ZNF740: variants seen among roughly 807,000 people sequenced by gnomAD.
ZNF740 encodes oriLyt TD-element-binding protein 7.
ZNF740 carries 14 observed loss-of-function variants against 24.8 expected under a neutral mutation model. That is an observed-to-expected ratio of 0.56 (90% CI 0.37 to 0.88). ZNF740 has a LOEUF of 0.88. ZNF740 is among the 40% of genes least tolerant of loss of function. The pLI is 0.00. For synonymous variants in ZNF740, 69 were observed against 84.0 expected, an observed-to-expected ratio of 0.82 and a Z score of 0.98; for missense variants, 201 against 247.9, an observed-to-expected ratio of 0.81 and a Z score of 1.27.
At position 53,193,193 on chromosome 12, in the gene ZNF740, A is replaced by G; in HGVS notation, c.*5603A>G. The G allele has an allele frequency of 6.2e-7, 1 of 1,614,118 alleles. No individual in the cohort carries two copies. The highest frequency in any genetic ancestry group is 8.5e-7 in the Non-Finnish European group (1 of 1,180,006). On this transcript the variant is annotated 3_prime_UTR_variant, in exon 7 of 7. Transcript: ENST00000416904. ...ACAGCTGGCATCGTCACACTCGCAC[A>G]GATGCCCAGAGCTCTGTCCACTGCA...
At chr12:53,184,150 T>TGTGTGTGTGTGCGCGCGCGC (rs59250662) in intron 2 of ZNF740, among the ~76,000 whole-genome samples, 29 of 104,424 alleles carry the variant, frequency 2.8e-4, no homozygotes, top group African/African-American at 1.1e-3. Context: ...TGTGTGTGTG[T>TGTGTGTGTGTGCGCGCGCGC]GCGCGCGCGC....
intron 2 of ZNF740, among the ~76,000 whole-genome samples, chr12:53,183,653 A>G (rs1299814104): frequency 6.6e-6 from 1 of 152,226 alleles, no homozygotes; most frequent in Non-Finnish European, 1.5e-5. Flanking sequence ...TGATCATACA[A>G]GCACACATAT....
rs1391281647 is a variant in ZNF740, at chr12:53,188,353, A to G, written c.*763A>G. 1 of 152,580 alleles carries G rather than the reference A, an allele frequency of 6.6e-6. No individual in the cohort carries two copies. The highest frequency in any genetic ancestry group is 2.4e-5 in the African/African-American group (1 of 41,430). 9.5% of individuals were successfully genotyped at this position (152,580 alleles called of 1,614,324 possible). ...ATTGGCACCTGATGGCATCAGCTCA[A>G]ATGCCTTTAGGAGGAAACTTGGGTG... On this transcript the variant is annotated 3_prime_UTR_variant, in exon 7 of 7. Coordinates refer to ENST00000416904, the MANE Select transcript of ZNF740 (RefSeq NM_001004304.4).
chr12:53,187,785 G>T lies in ZNF740; in HGVS notation c.*195G>T. On this transcript the variant is annotated 3_prime_UTR_variant, in exon 7 of 7. Coordinates refer to ENST00000416904, the MANE Select transcript of ZNF740 (RefSeq NM_001004304.4). The stretch of plus-strand genomic sequence containing the variant: ...CTCTGTAAATAATCTGAGACTATGA[G>T]TATCTCGGGGAAGTTCTTACAGCAT... 1 of 568,398 alleles carries T rather than the reference G, an allele frequency of 1.8e-6. No individual in the cohort carries two copies. The highest frequency in any genetic ancestry group is 2.0e-5 in the South Asian group (1 of 50,178). The allele number at this position is 568,398 out of a possible 1,614,324, so 35.2% of individuals were successfully genotyped here.
intron 2 of ZNF740, among the ~76,000 whole-genome samples, chr12:53,184,114 G>GGT (rs754768891): frequency 0.22 from 26,484 of 123,144 alleles, 3,015 homozygotes; most frequent in Non-Finnish European, 0.26. Context: ...GAAGCTAAGG[G>GGT]GTGTGTGTGT....
At position 53,192,417 on chromosome 12, in the gene ZNF740, C is replaced by T; in HGVS notation, c.*4827C>T. ...AACAGCTGGTTGTCCAGGGTCCGCTCTTTGCACCAGCCATCATCCAAGATA... is the reference window on the plus strand; with the variant it reads ...AACAGCTGGTTGTCCAGGGTCCGCTTTTTGCACCAGCCATCATCCAAGATA... On this transcript the variant is annotated 3_prime_UTR_variant, in exon 7 of 7. Coordinates refer to ENST00000416904, the MANE Select transcript of ZNF740 (RefSeq NM_001004304.4). 1.2e-6 allele frequency: 2 copies of T among 1,614,130 alleles called. No homozygotes were observed.
chr12:53,181,839 A>G lies in ZNF740; in HGVS notation c.-145A>G. 9.6e-7 allele frequency: 1 copy of G among 1,041,210 alleles called. No homozygotes were observed. Among genetic ancestry groups the G allele is most frequent in the Non-Finnish European group, 1.4e-6 (1 of 713,544 alleles). The allele number at this position is 1,041,210 out of a possible 1,614,324, so 64.5% of individuals were successfully genotyped here. On this transcript the variant is annotated 5_prime_UTR_variant, in exon 2 of 7. Coordinates refer to ENST00000416904, the MANE Select transcript of ZNF740 (RefSeq NM_001004304.4). ...AGGACACTAAGTTCTATTTGAAGACAAAGTTCAATATGGCAACAGGACTGA... is the reference window on the plus strand; with the variant it reads ...AGGACACTAAGTTCTATTTGAAGACGAAGTTCAATATGGCAACAGGACTGA...
intron 2 of ZNF740, 86 bp downstream of exon 2, chr12:53,182,078 G>A (rs1941667485): frequency 1.9e-6 from 3 of 1,542,360 alleles, no homozygotes; most frequent in Non-Finnish European, 1.8e-6. Context: ...TCAACATATT[G>A]ACCAACCCCA....
Position 53,182,018 on chromosome 12 carries a change from A to G in ZNF740, c.9+26A>G, listed in dbSNP as rs757237199. ...GTAAAAAGCTCTAGAGTCCTCCTCC[A>G]AGATAACTGGGAAGCCTGTTTGCAG... On this transcript the variant is annotated intron_variant, in intron 2 of 6. Transcript: ENST00000416904. 8 of 1,604,930 alleles carry G rather than the reference A, an allele frequency of 5.0e-6. No homozygotes were observed. In the South Asian group the frequency reaches 9.0e-5, roughly 18 times the overall value.
chr12:53,192,507 C>T lies in ZNF740; in HGVS notation c.*4917C>T. On this transcript the variant is annotated 3_prime_UTR_variant, in exon 7 of 7. Transcript: ENST00000416904. ...GTACTGCAGTTGGTGGCCAGTGGGCCAGTCCTGAAGGCCCCACACTCTGCA... is the reference window on the plus strand; with the variant it reads ...GTACTGCAGTTGGTGGCCAGTGGGCTAGTCCTGAAGGCCCCACACTCTGCA... The T allele has an allele frequency of 6.2e-7, 1 of 1,614,148 alleles. No homozygotes were observed. The highest frequency in any genetic ancestry group is 8.5e-7 in the Non-Finnish European group (1 of 1,180,004).
chr12:53,193,740 A>G lies in ZNF740; in HGVS notation c.*6150A>G, dbSNP rs1215966606. ...CACCACATTGTAGGTGTCCCTGGCC[A>G]TCACTGCAGTGGGGAGCCTGGGGCT... On this transcript the variant is annotated 3_prime_UTR_variant, in exon 7 of 7. Coordinates refer to ENST00000416904, the MANE Select transcript of ZNF740 (RefSeq NM_001004304.4). The G allele has an allele frequency of 3.7e-6, 6 of 1,613,690 alleles. No homozygotes were observed. In the African/African-American group the frequency reaches 8.0e-5, roughly 22 times the overall value.
chr12:53,192,925 T>C lies in ZNF740; in HGVS notation c.*5335T>C, dbSNP rs371036832. Reference sequence around the variant, plus strand: ...GCGACCAAAGCCTGGGGTAGAGCCATGCAGAGGGTGACAACCATACTCCAC... The same window carrying C: ...GCGACCAAAGCCTGGGGTAGAGCCACGCAGAGGGTGACAACCATACTCCAC... On this transcript the variant is annotated 3_prime_UTR_variant, in exon 7 of 7. Coordinates refer to ENST00000416904, the MANE Select transcript of ZNF740 (RefSeq NM_001004304.4). The C allele has an allele frequency of 2.5e-6, 4 of 1,611,192 alleles. No individual in the cohort carries two copies. Among genetic ancestry groups the C allele is most frequent in the Non-Finnish European group, 3.4e-6 (4 of 1,177,772 alleles).
chr12:53,184,867 A>T, intron 2 of ZNF740, 24 bp from the exon 3 acceptor site: 17 of 1,604,922 alleles, frequency 1.1e-5, no homozygotes, highest in Non-Finnish European at 1.4e-5. Flanking sequence ...AGGTGACCTG[A>T]CACCTCATCT....
Position 53,192,933 on chromosome 12 carries a change from G to T in ZNF740, c.*5343G>T, listed in dbSNP as rs780363011. ...AGCCTGGGGTAGAGCCATGCAGAGG[G>T]TGACAACCATACTCCACACACACAG... On this transcript the variant is annotated 3_prime_UTR_variant, in exon 7 of 7. Transcript: ENST00000416904. 6.2e-7 allele frequency: 1 copy of T among 1,607,422 alleles called. No individual in the cohort carries two copies. The highest frequency in any genetic ancestry group is 1.7e-5 in the Admixed American group (1 of 59,824).
At chr12:53,182,115 A>G in intron 2 of ZNF740, 123 bp downstream of exon 2, 4 of 1,375,908 alleles carry the variant, frequency 2.9e-6, no homozygotes, top group Admixed American at 2.2e-5. Flanking sequence ...ATTAAGCACC[A>G]GGGGGAGATC....
Position 53,193,100 on chromosome 12 carries a change from G to T in ZNF740, c.*5510G>T. 3 of 1,548,190 alleles carry T rather than the reference G, an allele frequency of 1.9e-6. No individual in the cohort carries two copies. Among genetic ancestry groups the T allele is most frequent in the South Asian group, 1.2e-5 (1 of 85,862 alleles). On this transcript the variant is annotated 3_prime_UTR_variant, in exon 7 of 7. Coordinates refer to ENST00000416904, the MANE Select transcript of ZNF740 (RefSeq NM_001004304.4). ...CCCAGAGCCTAAGTGCCTTGGGAAG[G>T]CCTCTCAGACCCCGCCCTTCTCCCC...
At chr12:53,181,130 A>G (rs1941604743) in intron 1 of ZNF740, 3 of 975,512 alleles carry the variant, frequency 3.1e-6, no homozygotes, top group African/African-American at 1.8e-5. Flanking sequence ...CGGTTGGTGC[A>G]GCGGGTGCAG....
In ZNF740 at chr12:53,193,939, T is replaced by C. The variant is rs1942063786; in HGVS notation, c.*6349T>C. 1.5e-5 allele frequency: 24 copies of C among 1,563,856 alleles called. No homozygotes were observed. Among genetic ancestry groups the C allele is most frequent in the Non-Finnish European group, 2.1e-5 (24 of 1,145,088 alleles). On this transcript the variant is annotated 3_prime_UTR_variant, in exon 7 of 7. Coordinates refer to ENST00000416904, the MANE Select transcript of ZNF740 (RefSeq NM_001004304.4). ...AGGAATCAGGCCATGGTTATACACATGCACACACACATACCCCAAACTCAC... is the reference window on the plus strand; with the variant it reads ...AGGAATCAGGCCATGGTTATACACACGCACACACACATACCCCAAACTCAC...
chr12:53,184,870 C>A (rs775499189), intron 2 of ZNF740, 21 bp from the exon 3 acceptor site: 17 of 1,606,298 alleles, frequency 1.1e-5, no homozygotes, highest in Non-Finnish European at 1.4e-5. Context: ...TGACCTGACA[C>A]CTCATCTCCT....
Sources: allele counts gnomAD v4.1 joint callset (sites outside exome capture counted in the v4.1 genomes callset), GRCh38; gene constraint gnomAD v4.1.1; transcripts MANE v1.5; gene names NCBI Gene and HGNC (gene_info 2026-07-23, HGNC 2026-07-21).